Variants in TRABD2B observed in about 807,000 individuals in gnomAD.
TRABD2B encodes metalloprotease TIKI2.
TRABD2B carries 14 observed loss-of-function variants against 40.1 expected under a neutral mutation model. The ratio of observed to expected loss-of-function variants is 0.35; its 90% CI spans 0.23 to 0.55. The LOEUF is 0.55. Ranked by LOEUF, TRABD2B falls within the 20% of genes least tolerant of loss-of-function variation. The pLI is 0.90. For synonymous variants in TRABD2B, 263 were observed against 277.0 expected, an observed-to-expected ratio of 0.95 and a Z score of 0.50; for missense variants, 541 against 648.6, an observed-to-expected ratio of 0.83 and a Z score of 1.80.
At chr1:47,823,486 C>T (rs1016997684) in intron 2 of TRABD2B, among the ~76,000 whole-genome samples, 1 of 152,228 alleles carries the variant, frequency 6.6e-6, no homozygotes, top group Admixed American at 6.5e-5. Context: ...TGATTGCATT[C>T]CCCTAGTGAC....
At chr1:47,866,929 C>A (rs1308401088) in intron 2 of TRABD2B, among the ~76,000 whole-genome samples, 1 of 152,200 alleles carries the variant, frequency 6.6e-6, no homozygotes, top group Admixed American at 6.5e-5. Context: ...CTGCAACCAG[C>A]TAGACCTCCA....
At chr1:47,842,138 G>A (rs906221965) in intron 2 of TRABD2B, among the ~76,000 whole-genome samples, 1 of 152,160 alleles carries the variant, frequency 6.6e-6, no homozygotes, top group Non-Finnish European at 1.5e-5. Flanking sequence ...TAGACAAAAG[G>A]TTTGTAGAAA....
At chr1:47,810,200 T>C (rs1417133271) in intron 2 of TRABD2B, among the ~76,000 whole-genome samples, 1 of 151,840 alleles carries the variant, frequency 6.6e-6, no homozygotes, top group Non-Finnish European at 1.5e-5. Context: ...GATATTTTAT[T>C]ATTATTATTT....
intron 2 of TRABD2B, among the ~76,000 whole-genome samples, chr1:47,971,147 C>T (rs1645676548): frequency 6.6e-6 from 1 of 152,224 alleles, no homozygotes; most frequent in African/African-American, 2.4e-5. Flanking sequence ...ATCATAGGTA[C>T]ACATCCTACT....
intron 4 of TRABD2B, among the ~76,000 whole-genome samples, chr1:47,781,704 G>T (rs1014651706): frequency 1.3e-5 from 2 of 152,198 alleles, no homozygotes; most frequent in African/African-American, 4.8e-5. Flanking sequence ...CAGGGAGAAT[G>T]GTCACCTCCA....
chr1:47,938,876 G>C (rs11577547), intron 2 of TRABD2B, among the ~76,000 whole-genome samples: 1 of 152,124 alleles, frequency 6.6e-6, no homozygotes, highest in Non-Finnish European at 1.5e-5. Flanking sequence ...GAGGATAAGA[G>C]GTTGACTTTA....
chr1:47,830,809 G>A (rs1645238045), intron 2 of TRABD2B, among the ~76,000 whole-genome samples: 1 of 152,176 alleles, frequency 6.6e-6, no homozygotes, highest in Non-Finnish European at 1.5e-5. Context: ...GACTCTCTGG[G>A]GGACACTAAT....
In TRABD2B at chr1:47,763,263, G is replaced by A. The variant is rs1644263354; in HGVS notation, c.*2639C>T. 1 of 152,206 alleles carries A rather than the reference G, an allele frequency of 6.6e-6. No homozygotes were observed. Among genetic ancestry groups the A allele is most frequent in the Admixed American group, 6.5e-5 (1 of 15,282 alleles). The allele number at this position is 152,206 out of a possible 1,614,324, so 9.4% of individuals were successfully genotyped here. On this transcript the variant is annotated 3_prime_UTR_variant, in exon 7 of 7. Transcript: ENST00000606738. ...GTTCATTTCAGACCCTGGCCAGCTG[G>A]TGGTCCTCAGAGATCAGTGAACTTT...
chr1:47,914,261 G>A (rs1186103874), intron 2 of TRABD2B, among the ~76,000 whole-genome samples: 1 of 152,260 alleles, frequency 6.6e-6, no homozygotes, highest in African/African-American at 2.4e-5. Context: ...TTGAGAACTA[G>A]CCCAGGGAAT....
At chr1:47,789,658 C>T (rs1474194700) in intron 4 of TRABD2B, among the ~76,000 whole-genome samples, 2 of 152,168 alleles carry the variant, frequency 1.3e-5, no homozygotes, top group South Asian at 2.1e-4. Context: ...GACAGTGGTG[C>T]TCTGATTAGA....
chr1:47,993,138 T>C (rs1646036700), intron 2 of TRABD2B, among the ~76,000 whole-genome samples: 1 of 152,076 alleles, frequency 6.6e-6, no homozygotes, highest in African/African-American at 2.4e-5. Context: ...CTCAGGAAAT[T>C]GACCCAAGCC....
At chr1:47,913,717 T>C (rs748323324) in intron 2 of TRABD2B, among the ~76,000 whole-genome samples, 2 of 152,156 alleles carry the variant, frequency 1.3e-5, no homozygotes, top group African/African-American at 4.8e-5. Context: ...CATGCTGCCA[T>C]CATCTGGCTC....
intron 3 of TRABD2B, among the ~76,000 whole-genome samples, chr1:47,798,861 T>C (rs1233444831): frequency 6.6e-6 from 1 of 152,084 alleles, no homozygotes. Context: ...CTCCAACAGA[T>C]CCTCATGGGA....
intron 2 of TRABD2B, among the ~76,000 whole-genome samples, chr1:47,803,127 G>A (rs909512113): frequency 1.3e-5 from 2 of 152,124 alleles, no homozygotes; most frequent in African/African-American, 4.8e-5. Context: ...GACTCTCCTC[G>A]GCTGTCTCCT....
At chr1:47,920,822 T>C (rs185784420) in intron 2 of TRABD2B, among the ~76,000 whole-genome samples, 1 of 152,324 alleles carries the variant, frequency 6.6e-6, no homozygotes, top group African/African-American at 2.4e-5. Context: ...ATGGGAGATC[T>C]GGAGGACCTC....
chr1:47,788,064 C>G (rs1644620749), intron 4 of TRABD2B, among the ~76,000 whole-genome samples: 1 of 152,098 alleles, frequency 6.6e-6, no homozygotes. Flanking sequence ...AGTTCTAAGA[C>G]TCTCTGACAT....
rs35095627 is a variant in TRABD2B, at chr1:47,863,319, A to AATATAT, written c.667-61706_667-61701dup. On this transcript the variant is annotated intron_variant, in intron 2 of 6. Coordinates refer to ENST00000606738, the MANE Select transcript of TRABD2B (RefSeq NM_001194986.2). Reference sequence around the variant, plus strand: ...TATTTGCAAAAGACTGATAAATATAAATATATATATATATATAGGATAACT... The same window carrying AATATAT: ...TATTTGCAAAAGACTGATAAATATAAATATATATATATATATATATATAGGATAACT... 1.8e-3 allele frequency among the ~76,000 whole-genome samples: 224 copies of AATATAT among 127,518 alleles called. 1 individual carries two copies. The highest frequency in any genetic ancestry group is 6.0e-3 in the African/African-American group (210 of 34,990). The allele number at this position is 127,518 out of a possible 152,430, so 83.7% of individuals were successfully genotyped here.
At chr1:47,975,909 C>T (rs150212531) in intron 2 of TRABD2B, among the ~76,000 whole-genome samples, 5 of 152,104 alleles carry the variant, frequency 3.3e-5, no homozygotes, top group Non-Finnish European at 7.4e-5. Flanking sequence ...ACAGAGGGCA[C>T]CCCAGGGTAA....
chr1:47,947,872 C>T (rs2840301), intron 2 of TRABD2B, among the ~76,000 whole-genome samples: 146,594 of 152,248 alleles, frequency 0.96, 70,842 homozygotes, highest in Non-Finnish European at 1. Flanking sequence ...GGTAAAGCCC[C>T]TGCTGGTGAC....
Sources: allele counts gnomAD v4.1 joint callset (sites outside exome capture counted in the v4.1 genomes callset), GRCh38; gene constraint gnomAD v4.1.1; transcripts MANE v1.5; gene names NCBI Gene and HGNC (gene_info 2026-07-23, HGNC 2026-07-21).